The following SLC25A13 variants were observed in gnomAD, a reference collection of about 807,000 sequenced individuals.
SLC25A13 encodes the protein electrogenic aspartate/glutamate antiporter SLC25A13, mitochondrial.
Under a neutral mutation model 85.5 loss-of-function variants are expected in SLC25A13, and 70 were observed. That is an observed-to-expected ratio of 0.82 (90% CI 0.68 to 1.00). SLC25A13 has a LOEUF of 1.00. Ranked by LOEUF, SLC25A13 falls within the 50% of genes least tolerant of loss-of-function variation. SLC25A13 has a pLI of 0.00. For synonymous variants in SLC25A13, 259 were observed against 288.7 expected, an observed-to-expected ratio of 0.90 and a Z score of 1.04; for missense variants, 765 against 819.8, an observed-to-expected ratio of 0.93 and a Z score of 0.82.
chr7:96,313,228 C>T (rs781025393), intron 1 of SLC25A13, among the ~76,000 whole-genome samples: 6 of 152,094 alleles, frequency 3.9e-5, no homozygotes, highest in South Asian at 2.1e-4. Flanking sequence ...GCAGGTAGTG[C>T]GGCAGGAACT....
intron 1 of SLC25A13, among the ~76,000 whole-genome samples, chr7:96,314,762 G>A (rs1299085311): frequency 6.6e-6 from 1 of 152,204 alleles, no homozygotes; most frequent in African/African-American, 2.4e-5. Flanking sequence ...CCAAAGCACA[G>A]AGGAGTCAGA....
intron 5 of SLC25A13, 81 bp downstream of exon 5, chr7:96,208,757 G>C: frequency 6.6e-7 from 1 of 1,515,248 alleles, no homozygotes; most frequent in Non-Finnish European, 9.1e-7. Flanking sequence ...CGCCCACCTC[G>C]GCCTCCCAAA....
intron 13 of SLC25A13, among the ~76,000 whole-genome samples, chr7:96,154,907 C>T (rs141890178): frequency 0.011 from 1,671 of 151,804 alleles, 24 homozygotes; most frequent in African/African-American, 0.039. Flanking sequence ...AAGTGATTCT[C>T]GTGCCTCAGC....
intron 3 of SLC25A13, among the ~76,000 whole-genome samples, chr7:96,235,726 G>T (rs560159401): frequency 2.6e-5 from 4 of 152,284 alleles, no homozygotes; most frequent in African/African-American, 9.6e-5. Flanking sequence ...TGTAAAATAA[G>T]ATTAGAAATA....
chr7:96,150,215 C>A (rs956115732), intron 13 of SLC25A13, among the ~76,000 whole-genome samples: 1 of 152,014 alleles, frequency 6.6e-6, no homozygotes, highest in Admixed American at 6.6e-5. Flanking sequence ...AGACTCACTT[C>A]TGCTATTTGA....
At chr7:96,229,751 C>T (rs552013651) in intron 4 of SLC25A13, among the ~76,000 whole-genome samples, 26 of 152,134 alleles carry the variant, frequency 1.7e-4, no homozygotes, top group Non-Finnish European at 3.8e-4. Context: ...CAGCTTCACT[C>T]CTGAAGCCAG....
Position 96,170,093 on chromosome 7 carries a change from G to C in SLC25A13, c.1263C>G (p.His421Gln). ...CTGCAAGTGGGACCGAACCATCTTT[G>C]TGCATAAATTTATCCCTCACAAAAT... ...VNDFVRDKFMHKDGSVPLAAE... is the reference protein window; with the variant it reads ...VNDFVRDKFMQKDGSVPLAAE... The change falls in exon 13 of 18, where the codon CAC (histidine) becomes CAG (glutamine). Residue 421 changes from histidine to glutamine, a missense_variant. Physicochemically the swap from His to Gln is conservative, Grantham distance 24. Transcript: ENST00000265631. The C allele has an allele frequency of 6.2e-7, 1 of 1,614,158 alleles. No individual in the cohort carries two copies. Among genetic ancestry groups the C allele is most frequent in the African/African-American group, 1.3e-5 (1 of 75,034 alleles).
chr7:96,263,073 T>G (rs542228799), intron 3 of SLC25A13, among the ~76,000 whole-genome samples: 17 of 152,176 alleles, frequency 1.1e-4, no homozygotes, highest in African/African-American at 3.9e-4. Context: ...ACAAAATATT[T>G]TTATTTTAAA....
rs186568379 is a variant in SLC25A13 at position 96,259,501 on chromosome 7, A to G, written c.212+17695T>C. Reference sequence around the variant, plus strand: ...TTAGAGAAATGGAAATCAACACCACAGTGAGATACCATCTCACGCCAGTTA... The same window carrying G: ...TTAGAGAAATGGAAATCAACACCACGGTGAGATACCATCTCACGCCAGTTA... On this transcript the variant is annotated intron_variant, in intron 3 of 17. Transcript: ENST00000265631. 5.0e-3 allele frequency among the ~76,000 whole-genome samples: 765 copies of G among 152,372 alleles called. 7 individuals carry two copies. The highest frequency in any genetic ancestry group is 0.018 in the African/African-American group (739 of 41,586).
intron 14 of SLC25A13, among the ~76,000 whole-genome samples, chr7:96,134,160 G>C (rs994719960): frequency 3.0e-4 from 46 of 151,470 alleles, no homozygotes; most frequent in African/African-American, 1.1e-3. Flanking sequence ...CTGGCCTCCT[G>C]AGTAGCTGGG....
intron 5 of SLC25A13, among the ~76,000 whole-genome samples, chr7:96,204,538 C>A (rs1296432866): frequency 5.9e-5 from 9 of 151,472 alleles, no homozygotes; most frequent in African/African-American, 9.7e-5. Flanking sequence ...GACCCTGTCT[C>A]AAAAACAAAA....
intron 4 of SLC25A13, among the ~76,000 whole-genome samples, chr7:96,225,751 T>C (rs1386175578): frequency 1.3e-5 from 2 of 152,138 alleles, no homozygotes; most frequent in Non-Finnish European, 2.9e-5. Flanking sequence ...CTTTGGTCAC[T>C]CCTCTAGATC....
At chr7:96,270,332 G>A (rs1798189579) in intron 3 of SLC25A13, among the ~76,000 whole-genome samples, 1 of 152,160 alleles carries the variant, frequency 6.6e-6, no homozygotes, top group Non-Finnish European at 1.5e-5. Flanking sequence ...AAGGCAGGTG[G>A]GCTGCTTGAG....
chr7:96,185,006 G>C lies in SLC25A13; in HGVS notation c.939C>G (p.Ala313=). 1 of 1,613,688 alleles carries C rather than the reference G, an allele frequency of 6.2e-7. No homozygotes were observed. The highest frequency in any genetic ancestry group is 8.5e-7 in the Non-Finnish European group (1 of 1,179,818). ...FNLAEAQRQK[A]SGDSARPVLL... ...GAACTGGTCGAGCTGAATCACCTGA[G>C]GCCTTCTGCTTTGCATGCACAGGAA... Residue 313 remains alanine, a synonymous_variant, in exon 10 of 18, where the codon GCC becomes GCG. Transcript: ENST00000265631.
intron 2 of SLC25A13, among the ~76,000 whole-genome samples, chr7:96,284,156 T>C (rs1798798927): frequency 6.6e-6 from 1 of 151,938 alleles, no homozygotes. Flanking sequence ...ATTTGTAACA[T>C]AGCAGGTAAG....
chr7:96,188,473 A>G (rs1191288174), intron 9 of SLC25A13, among the ~76,000 whole-genome samples: 2 of 152,218 alleles, frequency 1.3e-5, no homozygotes, highest in Non-Finnish European at 2.9e-5. Context: ...ACAAACCCAG[A>G]GCTCCATGCC....
At chr7:96,247,464 G>A (rs1797242110) in intron 3 of SLC25A13, among the ~76,000 whole-genome samples, 1 of 152,022 alleles carries the variant, frequency 6.6e-6, no homozygotes, top group African/African-American at 2.4e-5. Context: ...TAATATTATG[G>A]TCATAATATT....
intron 3 of SLC25A13, among the ~76,000 whole-genome samples, chr7:96,273,885 C>T (rs1208095514): frequency 6.6e-6 from 1 of 152,162 alleles, no homozygotes; most frequent in East Asian, 1.9e-4. Flanking sequence ...AGATTTTCCA[C>T]AGAAAAATGC....
chr7:96,171,614 A>C (rs1794006811), intron 11 of SLC25A13, 90 bp from the exon 12 acceptor site: 1 of 1,117,874 alleles, frequency 8.9e-7, no homozygotes, highest in Non-Finnish European at 1.3e-6. Context: ...ACCACTTAAA[A>C]ACTGCTTAAT....
Sources: gnomAD v4.1 joint callset for allele counts (sites outside exome capture counted in the v4.1 genomes callset) on GRCh38, gnomAD v4.1.1 for gene constraint, MANE v1.5 for transcripts, NCBI Gene and HGNC (gene_info 2026-07-23, HGNC 2026-07-21) for gene names.